DCLK1: variants seen among roughly 807,000 people sequenced by gnomAD.
The protein encoded by DCLK1 is doublecortin like kinase 1, also known as serine/threonine-protein kinase DCLK1.
DCLK1 carries 16 observed loss-of-function variants against 86.2 expected under a neutral mutation model. The ratio of observed to expected loss-of-function variants is 0.19; its 90% CI spans 0.13 to 0.28. DCLK1 has a LOEUF of 0.28. Among genes scored for constraint, DCLK1 ranks in the 10% least tolerant of loss-of-function variants. The probability of loss-of-function intolerance (pLI) is 1.00; values close to 1 mark genes in which losing one functional copy is unlikely to be tolerated. For synonymous variants in DCLK1, 369 were observed against 370.5 expected, an observed-to-expected ratio of 1.00 and a Z score of 0.05; for missense variants, 590 against 940.2, an observed-to-expected ratio of 0.63 and a Z score of 4.87.
chr13:35,857,011 T>C (rs1182870452), intron 5 of DCLK1, among the ~76,000 whole-genome samples: 1 of 152,138 alleles, frequency 6.6e-6, no homozygotes, highest in Non-Finnish European at 1.5e-5. Context: ...GTGCCAGCCC[T>C]TTAACCTACA....
At chr13:35,963,417 A>C (rs1878562547) in intron 3 of DCLK1, among the ~76,000 whole-genome samples, 2 of 152,202 alleles carry the variant, frequency 1.3e-5, no homozygotes, top group South Asian at 4.1e-4. Context: ...TAGGAGACAT[A>C]ATAGGAAGCT....
chr13:35,848,059 C>A (rs1410051864), intron 6 of DCLK1: 2 of 985,140 alleles, frequency 2.0e-6, no homozygotes, highest in African/African-American at 3.5e-5. Context: ...ATGTCTACAT[C>A]TAAGAAAAAA....
chr13:35,854,147 A>C (rs553427275), intron 6 of DCLK1, among the ~76,000 whole-genome samples: 1 of 152,112 alleles, frequency 6.6e-6, no homozygotes, highest in South Asian at 2.1e-4. Context: ...CCCTCCATTC[A>C]CAGCACTTCT....
At chr13:36,057,560 G>T (rs1459897916) in intron 3 of DCLK1, among the ~76,000 whole-genome samples, 1 of 152,182 alleles carries the variant, frequency 6.6e-6, no homozygotes. Context: ...AGTTTTGCTT[G>T]TTAATAATAC....
At chr13:35,942,820 C>T (rs956433219) in intron 4 of DCLK1, among the ~76,000 whole-genome samples, 2 of 152,106 alleles carry the variant, frequency 1.3e-5, no homozygotes, top group Admixed American at 6.5e-5. Flanking sequence ...GGTGAGAAAC[C>T]CTAAGTGTGA....
intron 4 of DCLK1, among the ~76,000 whole-genome samples, chr13:35,880,902 G>A (rs1872853706): frequency 6.6e-6 from 1 of 152,172 alleles, no homozygotes; most frequent in South Asian, 2.1e-4. Flanking sequence ...TGTCTTCAGT[G>A]AGAGATTTGA....
chr13:35,869,203 G>A (rs193099900), intron 5 of DCLK1: 17 of 461,086 alleles, frequency 3.7e-5, no homozygotes, highest in Non-Finnish European at 7.0e-5. Flanking sequence ...TTCTTCCAGG[G>A]GAGTTTTCCA....
chr13:35,872,345 T>C (rs17053037), intron 4 of DCLK1, among the ~76,000 whole-genome samples: 5,754 of 152,330 alleles, frequency 0.038, 375 homozygotes, highest in African/African-American at 0.13. Flanking sequence ...GATTTGTTCA[T>C]ATGTGTTGAT....
At chr13:35,788,035 G>A (rs933443046) in intron 16 of DCLK1, 8 of 649,588 alleles carry the variant, frequency 1.2e-5, no homozygotes, top group Non-Finnish European at 1.9e-5. Flanking sequence ...AATAATGGGT[G>A]AAAAAAAGGA....
intron 3 of DCLK1, among the ~76,000 whole-genome samples, chr13:35,961,631 C>G (rs1052043551): frequency 1.3e-5 from 2 of 152,174 alleles, no homozygotes; most frequent in Non-Finnish European, 2.9e-5. Context: ...AAGTACCTGA[C>G]AAGTAGATGA....
intron 3 of DCLK1, among the ~76,000 whole-genome samples, chr13:35,965,072 G>C (rs894472273): frequency 6.6e-6 from 1 of 152,128 alleles, no homozygotes; most frequent in African/African-American, 2.4e-5. Context: ...AAATCTGCAA[G>C]TTCCTTTACA....
chr13:36,069,945 C>A (rs1315784608), intron 3 of DCLK1, among the ~76,000 whole-genome samples: 1 of 152,176 alleles, frequency 6.6e-6, no homozygotes, highest in Non-Finnish European at 1.5e-5. Context: ...CAGCAGGATG[C>A]CTTGCCTTTA....
chr13:35,929,867 T>TTC (rs1372383500), intron 4 of DCLK1, among the ~76,000 whole-genome samples: 1 of 151,252 alleles, frequency 6.6e-6, no homozygotes, highest in Non-Finnish European at 1.5e-5. Context: ...TTTTTTCTTT[T>TTC]TTTTTTTTTT....
At chr13:36,056,658 A>AC (rs11419205) in intron 3 of DCLK1, among the ~76,000 whole-genome samples, 15,552 of 142,006 alleles carry the variant, frequency 0.11, 1,981 homozygotes, top group African/African-American at 0.33. Context: ...CAGAGCACAC[A>AC]AAAAAAAAAA....
intron 4 of DCLK1, among the ~76,000 whole-genome samples, chr13:35,885,029 C>G (rs1873144030): frequency 6.6e-6 from 1 of 152,118 alleles, no homozygotes; most frequent in Non-Finnish European, 1.5e-5. Context: ...CAGGACCAGG[C>G]TCTTGGTAGA....
At chr13:35,933,277 C>T (rs553546768) in intron 4 of DCLK1, among the ~76,000 whole-genome samples, 27 of 152,316 alleles carry the variant, frequency 1.8e-4, no homozygotes, top group Admixed American at 5.9e-4. Flanking sequence ...TGAGTGTCTG[C>T]GGCTTTTCCA....
intron 10 of DCLK1, among the ~76,000 whole-genome samples, chr13:35,827,157 T>C (rs952852745): frequency 1.3e-5 from 2 of 152,236 alleles, no homozygotes; most frequent in Non-Finnish European, 2.9e-5. Flanking sequence ...GTCAGTACAC[T>C]ATTCACATCA....
At chr13:35,855,634 GCTAAGGCTGCTC>G in intron 5 of DCLK1, 1 of 1,496,924 alleles carries the variant, frequency 6.7e-7, no homozygotes, top group Non-Finnish European at 9.0e-7. Context: ...TTTAAGGATG[GCTAAGGCTGCTC>G]CCAGAGCAGG....
intron 3 of DCLK1, 147 bp from the exon 4 acceptor site, chr13:35,947,604 T>A: frequency 1.8e-6 from 1 of 547,370 alleles, no homozygotes; most frequent in South Asian, 3.1e-5. Context: ...AAAAGAGGGG[T>A]TCGAGCATCT....
Sources: allele counts gnomAD v4.1 joint callset (sites outside exome capture counted in the v4.1 genomes callset), GRCh38; gene constraint gnomAD v4.1.1; transcripts MANE v1.5; gene names NCBI Gene and HGNC (gene_info 2026-07-23, HGNC 2026-07-21).